Variants in AQP9 observed in about 807,000 individuals in gnomAD.
The protein encoded by AQP9 is aquaporin 9.
AQP9 carries 19 observed loss-of-function variants against 23.8 expected under a neutral mutation model. The observed-to-expected ratio is 0.80, with a 90% CI of 0.56 to 1.17. AQP9 has a LOEUF of 1.17. AQP9 is among the 50% of genes most tolerant of loss of function. The pLI is 0.00. For missense variants in AQP9, 413 were observed against 362.0 expected, an observed-to-expected ratio of 1.14 and a Z score of -1.14; for synonymous variants, 153 against 131.5, an observed-to-expected ratio of 1.16 and a Z score of -1.12.
Position 58,159,308 on chromosome 15 carries a change from G to A in AQP9, c.112-7365G>A, listed in dbSNP as rs1324934357. Among the ~76,000 whole-genome samples, 8 of 151,956 alleles carry A rather than the reference G, an allele frequency of 5.3e-5. No homozygotes were observed. In the East Asian group the frequency reaches 5.8e-4, roughly 11 times the overall value. ...GGGTTTTTTTTTTAGTAAGATTCCC[G>A]TCTATTTATCATTTCCACATTGTTT... On this transcript the variant is annotated intron_variant, in intron 1 of 5. Transcript: ENST00000219919.
In AQP9 at chr15:58,184,867, T is replaced by C. The variant is rs191304742; in HGVS notation, c.*732T>C. ...AATTAATTTCCTGGTCTTTAGTATA[T>C]AATAACCTAAAATACCATTGTAACC... On this transcript the variant is annotated 3_prime_UTR_variant, in exon 6 of 6. Transcript: ENST00000219919. 7.7e-4 allele frequency: 117 copies of C among 152,376 alleles called. No homozygotes were observed. The highest frequency in any genetic ancestry group is 2.8e-3 in the African/African-American group (115 of 41,596). 9.4% of individuals were successfully genotyped at this position (152,376 alleles called of 1,614,324 possible).
chr15:58,145,519 A>T (rs1305325540), intron 1 of AQP9, among the ~76,000 whole-genome samples: 3 of 151,860 alleles, frequency 2.0e-5, no homozygotes, highest in South Asian at 2.1e-4. Context: ...ATATATATAT[A>T]TATTTTTTAA....
intron 5 of AQP9, 59 bp downstream of exon 5, chr15:58,179,404 C>A (rs74016580): frequency 3.4e-6 from 5 of 1,484,046 alleles, no homozygotes; most frequent in Non-Finnish European, 4.6e-6. Flanking sequence ...ACCAGTGGGG[C>A]GGGGCTTTGA....
intron 5 of AQP9, among the ~76,000 whole-genome samples, chr15:58,181,078 T>G (rs1191636556): frequency 6.6e-6 from 1 of 152,196 alleles, no homozygotes; most frequent in Non-Finnish European, 1.5e-5. Flanking sequence ...TGGTGATTCA[T>G]TCAAAAGTCA....
rs1439157530 is a variant in AQP9 at position 58,151,824 on chromosome 15, T to C, written c.111+13148T>C. 3.3e-5 allele frequency: 5 copies of C among 152,268 alleles called. No homozygotes were observed. In the South Asian group the frequency reaches 8.3e-4, roughly 25 times the overall value. The allele number at this position is 152,268 out of a possible 1,614,324, so 9.4% of individuals were successfully genotyped here. On this transcript the variant is annotated intron_variant, in intron 1 of 5. Transcript: ENST00000219919. ...GTGGAAGCCCCTATTGCTGGCTCAA[T>C]AGTACTTGCAGAGGTACTCCTAAAG... is the stretch of plus-strand genomic sequence containing the variant.
chr15:58,185,880 C>G lies in AQP9; in HGVS notation c.*1745C>G, dbSNP rs569306262. On this transcript the variant is annotated 3_prime_UTR_variant, in exon 6 of 6. Coordinates refer to ENST00000219919, the MANE Select transcript of AQP9 (RefSeq NM_020980.5). Reference sequence around the variant, plus strand: ...TGCTTTGAAGCTACCTGGATATTTCCTATTTGAAATAAAATTGTTCGGTCA... The same window carrying G: ...TGCTTTGAAGCTACCTGGATATTTCGTATTTGAAATAAAATTGTTCGGTCA... The G allele has an allele frequency of 5.3e-5, 8 of 152,200 alleles. No individual in the cohort carries two copies. In the East Asian group the frequency reaches 1.5e-3, roughly 29 times the overall value. The allele number at this position is 152,200 out of a possible 1,614,324, so 9.4% of individuals were successfully genotyped here.
intron 3 of AQP9, among the ~76,000 whole-genome samples, chr15:58,174,301 A>G (rs1015671964): frequency 2.0e-5 from 1 of 50,584 alleles, no homozygotes; most frequent in African/African-American, 9.1e-5. Flanking sequence ...AAAAAAAAGA[A>G]AAAAAAAAAG....
chr15:58,177,959 C>T (rs1479470953), intron 4 of AQP9, among the ~76,000 whole-genome samples: 3 of 152,118 alleles, frequency 2.0e-5, no homozygotes, highest in African/African-American at 4.8e-5. Context: ...TTCAACCAAC[C>T]ATGGATCAAA....
chr15:58,144,992 C>G (rs116774114), intron 1 of AQP9, among the ~76,000 whole-genome samples: 1 of 122,370 alleles, frequency 8.2e-6, no homozygotes, highest in Non-Finnish European at 1.6e-5. Flanking sequence ...CTGGCCTGGG[C>G]GATGAAGTGA....
chr15:58,167,913 CG>C (rs1287918994), intron 2 of AQP9, among the ~76,000 whole-genome samples: 1 of 151,970 alleles, frequency 6.6e-6, no homozygotes, highest in Admixed American at 6.5e-5. Flanking sequence ...TTAGTAGAGA[CG>C]GGGTTTCACC....
At chr15:58,143,790 A>T (rs191051671) in intron 1 of AQP9, among the ~76,000 whole-genome samples, 192 of 152,310 alleles carry the variant, frequency 1.3e-3, no homozygotes, top group Admixed American at 8.8e-3. Context: ...CAAGACTGCT[A>T]CATTGAACAT....
intron 2 of AQP9, among the ~76,000 whole-genome samples, chr15:58,169,328 C>A (rs1282947867): frequency 6.6e-6 from 1 of 152,194 alleles, no homozygotes; most frequent in Non-Finnish European, 1.5e-5. Context: ...CTTGGAAAGG[C>A]AGTCCTTATC....
chr15:58,184,070 T>A lies in AQP9; in HGVS notation c.823T>A (p.Ser275Thr), dbSNP rs2140639447. The A allele has an allele frequency of 1.9e-6, 3 of 1,614,146 alleles. No individual in the cohort carries two copies. The East Asian group carries it at 6.7e-5, about 36-fold the overall frequency. The change falls in exon 6 of 6, where the codon TCA (serine) becomes ACA (threonine). Residue 275 changes from serine to threonine, a missense_variant. By Grantham distance (58) the Ser-to-Thr change is moderately conservative. Coordinates refer to ENST00000219919, the MANE Select transcript of AQP9 (RefSeq NM_020980.5). ...VIEIHHPEPD[S>T]VFKTEQSEDK... The stretch of plus-strand genomic sequence containing the variant: ...TGAAATCCACCATCCAGAGCCTGAC[T>A]CAGTCTTTAAGACAGAACAATCTGA...
chr15:58,154,688 TCAAA>T (rs1224128215), intron 1 of AQP9, among the ~76,000 whole-genome samples: 1 of 152,034 alleles, frequency 6.6e-6, no homozygotes, highest in Non-Finnish European at 1.5e-5. Context: ...AGGATACTCC[TCAAA>T]CAACCATTAT....
At chr15:58,157,974 C>A (rs1350295834) in intron 1 of AQP9, among the ~76,000 whole-genome samples, 2 of 152,110 alleles carry the variant, frequency 1.3e-5, no homozygotes, top group African/African-American at 4.8e-5. Context: ...GGTGACCATA[C>A]TTATTGTTAC....
rs1396516449 is a variant in AQP9, at chr15:58,185,130, C to T, written c.*995C>T. The T allele has an allele frequency of 6.6e-6, 1 of 152,212 alleles. No homozygotes were observed. Among genetic ancestry groups the T allele is most frequent in the Non-Finnish European group, 1.5e-5 (1 of 68,040 alleles). The allele number at this position is 152,212 out of a possible 1,614,324, so 9.4% of individuals were successfully genotyped here. On this transcript the variant is annotated 3_prime_UTR_variant, in exon 6 of 6. Transcript: ENST00000219919. ...CTTAACAATTCACAAGGCACTTTCA[C>T]ACCCATTATCTAATTTAATCCTCAT...
chr15:58,158,199 C>A (rs1369234246), intron 1 of AQP9, among the ~76,000 whole-genome samples: 1 of 152,086 alleles, frequency 6.6e-6, no homozygotes, highest in Non-Finnish European at 1.5e-5. Flanking sequence ...AAACCGATGC[C>A]CCTATTCCAC....
At chr15:58,177,084 G>C (rs1898775918) in intron 4 of AQP9, among the ~76,000 whole-genome samples, 2 of 152,300 alleles carry the variant, frequency 1.3e-5, no homozygotes, top group African/African-American at 4.8e-5. Flanking sequence ...AGGCTTTGGA[G>C]AGAGTTCCAA....
chr15:58,150,594 A>G (rs1898131805), intron 1 of AQP9: 1 of 152,506 alleles, frequency 6.6e-6, no homozygotes, highest in Non-Finnish European at 1.5e-5. Flanking sequence ...AATACCATTG[A>G]CTTCCAATCA....
Sources: gnomAD v4.1 joint callset for allele counts (sites outside exome capture counted in the v4.1 genomes callset) on GRCh38, gnomAD v4.1.1 for gene constraint, MANE v1.5 for transcripts, NCBI Gene and HGNC (gene_info 2026-07-23, HGNC 2026-07-21) for gene names.